The following SLC17A5 variants were observed in gnomAD, a reference collection of about 807,000 sequenced individuals.
SLC17A5 encodes sialin.
A neutral mutation model predicts 59.4 loss-of-function variants in SLC17A5; 47 were observed. That is an observed-to-expected ratio of 0.79 (90% CI 0.63 to 1.01). The LOEUF (loss-of-function observed/expected upper bound fraction) is 1.01, where lower values mean the gene tolerates loss of function less well. SLC17A5 is among the 50% of genes least tolerant of loss of function. The pLI is 0.00. For synonymous variants in SLC17A5, 202 were observed against 210.7 expected (o/e 0.96, Z 0.36); for missense variants, 522 against 595.5 (o/e 0.88, Z 1.28).
intron 9 of SLC17A5, among the ~76,000 whole-genome samples, chr6:73,606,157 C>T (rs1348075006): frequency 6.6e-6 from 1 of 151,942 alleles, no homozygotes; most frequent in East Asian, 2.0e-4. Context: ...ATTCTCATGC[C>T]TCAGCCTCCT....
At position 73,644,580 on chromosome 6, in the gene SLC17A5, A is replaced by T; in HGVS notation, c.118T>A (p.Tyr40Asn). The T allele has an allele frequency of 6.2e-7, 1 of 1,614,164 alleles. No homozygotes were observed. The highest frequency in any genetic ancestry group is 8.5e-7 in the Non-Finnish European group (1 of 1,180,014). Reference sequence around the variant, plus strand: ...AAAAAGGCCAAAATTGCTAAGTTGTAACGAGCAGAGCAGCACACTGGAGCT... The same window carrying T: ...AAAAAGGCCAAAATTGCTAAGTTGTTACGAGCAGAGCAGCACACTGGAGCT... Reference protein sequence around the residue: ...EAAPVCCSARYNLAILAFFGF... With the variant: ...EAAPVCCSARNNLAILAFFGF... The change falls in exon 2 of 11, where the codon TAC becomes AAC. Residue 40 changes from tyrosine to asparagine, a missense_variant. Coordinates refer to ENST00000355773, the MANE Select transcript of SLC17A5 (RefSeq NM_012434.5).
intron 10 of SLC17A5, among the ~76,000 whole-genome samples, chr6:73,599,995 C>T (rs372760988): frequency 6.6e-6 from 1 of 152,082 alleles, no homozygotes; most frequent in African/African-American, 2.4e-5. Context: ...GGGGTTTCAC[C>T]ATGTTGGTGA....
chr6:73,641,895 A>C lies in SLC17A5; in HGVS notation c.321T>G (p.Thr107=). 3 of 1,614,202 alleles carry C rather than the reference A, an allele frequency of 1.9e-6. No homozygotes were observed. The highest frequency in any genetic ancestry group is 2.2e-5 in the South Asian group (2 of 91,080). ...AAAAGGAACCGAGAATCCATCCTTG[A>C]GTTTCTGCATCCCATTGGTACTTCT... ...TGKKYQWDAE[T]QGWILGSFFY... Residue 107 remains threonine, a synonymous_variant, in exon 3 of 11, where the codon ACT becomes ACG. Coordinates refer to ENST00000355773, the MANE Select transcript of SLC17A5 (RefSeq NM_012434.5).
At chr6:73,610,996 A>G (rs1025529590) in intron 8 of SLC17A5, among the ~76,000 whole-genome samples, 7 of 152,212 alleles carry the variant, frequency 4.6e-5, no homozygotes, top group Non-Finnish European at 8.8e-5. Flanking sequence ...TAATCCCAGC[A>G]CGTTAGGAGG....
intron 7 of SLC17A5, among the ~76,000 whole-genome samples, chr6:73,617,910 T>C (rs191211496): frequency 6.6e-6 from 1 of 152,034 alleles, no homozygotes; most frequent in Admixed American, 6.6e-5. Context: ...ATAAGATCCC[T>C]TGTATTCATT....
chr6:73,602,515 T>C (rs796224926), intron 9 of SLC17A5, among the ~76,000 whole-genome samples: 156 of 152,000 alleles, frequency 1.0e-3, no homozygotes, highest in African/African-American at 3.6e-3. Context: ...TGGCTCACGC[T>C]TGTAATCCCA....
intron 9 of SLC17A5, among the ~76,000 whole-genome samples, chr6:73,603,859 C>G (rs372623459): frequency 2.6e-5 from 4 of 151,546 alleles, no homozygotes; most frequent in African/African-American, 9.7e-5. Flanking sequence ...TTTCTAGACT[C>G]TAGATCCTAG....
At chr6:73,648,682 A>C (rs1324955848) in intron 1 of SLC17A5, among the ~76,000 whole-genome samples, 1 of 152,204 alleles carries the variant, frequency 6.6e-6, no homozygotes, top group African/African-American at 2.4e-5. Context: ...CCAATAAGAC[A>C]AAGTACTATG....
chr6:73,615,775 C>A (rs928054056), intron 7 of SLC17A5, among the ~76,000 whole-genome samples: 10 of 151,218 alleles, frequency 6.6e-5, no homozygotes, highest in South Asian at 4.2e-4. Context: ...CCCTACTGAA[C>A]ATTTTCATCT....
chr6:73,607,180 C>T (rs1333732308), intron 9 of SLC17A5, among the ~76,000 whole-genome samples: 1 of 152,252 alleles, frequency 6.6e-6, no homozygotes, highest in South Asian at 2.1e-4. Flanking sequence ...GTGTTCTGTG[C>T]GTGTTCTATT....
At chr6:73,605,135 G>A (rs540664875) in intron 9 of SLC17A5, among the ~76,000 whole-genome samples, 2 of 152,194 alleles carry the variant, frequency 1.3e-5, no homozygotes, top group Non-Finnish European at 2.9e-5. Context: ...GAGAGCCACT[G>A]CACCCAGCTG....
intron 6 of SLC17A5, among the ~76,000 whole-genome samples, chr6:73,628,846 AG>A (rs1484100019): frequency 1.3e-5 from 2 of 152,236 alleles, no homozygotes; most frequent in African/African-American, 4.8e-5. Flanking sequence ...TGTGAAATAT[AG>A]AGGGTAAGAT....
chr6:73,600,565 G>A lies in SLC17A5; in HGVS notation c.1260-124C>T. ...ACTCTGTGGCCCAGGCTTGAGGGCA[G>A]TGGGATGATCTCAGCTCACTGCAGC... is the stretch of plus-strand genomic sequence containing the variant. On this transcript the variant is annotated intron_variant, in intron 9 of 10. Coordinates refer to ENST00000355773, the MANE Select transcript of SLC17A5 (RefSeq NM_012434.5). 3 of 780,026 alleles carry A rather than the reference G, an allele frequency of 3.8e-6. No individual in the cohort carries two copies. The South Asian group carries it at 4.6e-5, about 12-fold the overall frequency. 48.3% of individuals were successfully genotyped at this position (780,026 alleles called of 1,614,324 possible). A position where few individuals can be genotyped will look rare whatever the true frequency, so the allele number is the denominator to read the frequency against.
rs10672268 is a variant in SLC17A5, at chr6:73,627,922, C to CT, written c.820-5961dup. ...CAGGCGTGAGCCACTGTGCCTGCCA[C>CT]TTTTTTTTTTTTTTTTGAGACAGGG... On this transcript the variant is annotated intron_variant, in intron 6 of 10. Coordinates refer to ENST00000355773, the MANE Select transcript of SLC17A5 (RefSeq NM_012434.5). 3.4e-3 allele frequency among the ~76,000 whole-genome samples: 481 copies of CT among 140,832 alleles called. 3 individuals carry two copies. The highest frequency in any genetic ancestry group is 0.019 in the Middle Eastern group (5 of 266). 92.4% of individuals were successfully genotyped at this position (140,832 alleles called of 152,430 possible).
intron 7 of SLC17A5, among the ~76,000 whole-genome samples, chr6:73,617,562 G>A (rs944171787): frequency 4.6e-5 from 7 of 152,166 alleles, no homozygotes; most frequent in Non-Finnish European, 8.8e-5. Context: ...AAAAACTGCC[G>A]GCTAGGCACG....
At chr6:73,602,005 A>G (rs1393843991) in intron 9 of SLC17A5, among the ~76,000 whole-genome samples, 1 of 152,048 alleles carries the variant, frequency 6.6e-6, no homozygotes, top group African/African-American at 2.4e-5. Context: ...AAGGGGGGAA[A>G]GGTGGGGAAA....
At chr6:73,596,334 G>A (rs1278530099) in intron 10 of SLC17A5, among the ~76,000 whole-genome samples, 1 of 152,126 alleles carries the variant, frequency 6.6e-6, no homozygotes, top group Admixed American at 6.6e-5. Context: ...TTGAGGATCT[G>A]TGACATCAGA....
rs1767807963 is a variant in SLC17A5, at chr6:73,615,362, T to C, written c.1064A>G (p.Lys355Arg). Residue 355 changes from lysine to arginine, a missense_variant, in exon 8 of 11, where the codon AAA becomes AGA. Physicochemically the swap from Lys to Arg is conservative, Grantham distance 26 (BLOSUM62 2). Transcript: ENST00000355773. ...SGQAADNLRA[K>R]WNFSTLCVRR... ...AACACATAAAGTTGAAAAATTCCAT[T>C]TTGCCCTTAAATTGTCAGCAGCTTG... 6.2e-7 allele frequency: 1 copy of C among 1,613,878 alleles called. No homozygotes were observed. Among genetic ancestry groups the C allele is most frequent in the Admixed American group, 1.7e-5 (1 of 59,974 alleles).
rs746224198 is a variant in SLC17A5 at position 73,653,828 on chromosome 6, G to A, written c.59C>T (p.Thr20Met). Residue 20 changes from threonine to methionine, a missense_variant, in exon 1 of 11, where the codon ACG becomes ATG. Thr to Met is a moderately conservative substitution (Grantham distance 81). Coordinates refer to ENST00000355773, the MANE Select transcript of SLC17A5 (RefSeq NM_012434.5). ...CCGTGGGGCGCCCGGTAGAAGAGGC[G>A]TGCGGTCCGTGCTCTCCTCGCCATC... ...RNDGEESTDRTPLLPGAPRAE... is the reference protein window; with the variant it reads ...RNDGEESTDRMPLLPGAPRAE... The A allele has an allele frequency of 1.7e-5, 27 of 1,602,846 alleles. No individual in the cohort carries two copies. In the South Asian group the frequency reaches 2.8e-4, roughly 17 times the overall value.
Sources: allele counts gnomAD v4.1 joint callset (sites outside exome capture counted in the v4.1 genomes callset), GRCh38; gene constraint gnomAD v4.1.1; transcripts MANE v1.5; gene names NCBI Gene and HGNC (gene_info 2026-07-23, HGNC 2026-07-21).